EPHA3: variants seen among roughly 807,000 people sequenced by gnomAD.
EPHA3 encodes the protein EPH receptor A3.
Under a neutral mutation model 107.1 loss-of-function variants are expected in EPHA3, and 42 were observed. The ratio of observed to expected loss-of-function variants is 0.39; its 90% CI spans 0.31 to 0.51. The LOEUF (loss-of-function observed/expected upper bound fraction) is 0.51. Among genes scored for constraint, EPHA3 ranks in the 20% least tolerant of loss-of-function variants. The pLI is 0.78. For missense variants in EPHA3, 1,183 were observed against 1,211.2 expected (o/e 0.98, Z 0.35); for synonymous variants, 461 against 424.8 (o/e 1.09, Z -1.05).
At chr3:89,329,591 C>G (rs185825614) in intron 3 of EPHA3, among the ~76,000 whole-genome samples, 54 of 151,984 alleles carry the variant, frequency 3.6e-4, no homozygotes, top group Non-Finnish European at 5.9e-4. Flanking sequence ...TCATTGTATT[C>G]CTTTTATTGC....
At chr3:89,429,403 T>A (rs1709519016) in intron 12 of EPHA3, among the ~76,000 whole-genome samples, 1 of 152,160 alleles carries the variant, frequency 6.6e-6, no homozygotes, top group Non-Finnish European at 1.5e-5. Context: ...AGACTCTTTT[T>A]ATACTGCCAA....
chr3:89,153,225 T>G (rs1273366891), intron 2 of EPHA3, among the ~76,000 whole-genome samples: 1 of 151,996 alleles, frequency 6.6e-6, no homozygotes, highest in Non-Finnish European at 1.5e-5. Context: ...GGTAAATGAG[T>G]CAGAGAGAAG....
chr3:89,258,748 T>C (rs555474361), intron 3 of EPHA3, among the ~76,000 whole-genome samples: 7 of 152,206 alleles, frequency 4.6e-5, no homozygotes, highest in African/African-American at 1.7e-4. Context: ...TTCCAAAGGA[T>C]CCCCACCTCA....
At chr3:89,371,105 T>G (rs1708291548) in intron 5 of EPHA3, among the ~76,000 whole-genome samples, 1 of 151,750 alleles carries the variant, frequency 6.6e-6, no homozygotes, top group South Asian at 2.1e-4. Flanking sequence ...AAATCAGCTT[T>G]GTATAGTCAT....
intron 2 of EPHA3, among the ~76,000 whole-genome samples, chr3:89,144,257 A>G (rs1179047546): frequency 6.6e-6 from 1 of 151,624 alleles, no homozygotes; most frequent in Non-Finnish European, 1.5e-5. Flanking sequence ...CCACTCATCC[A>G]TGGCAACCAC....
chr3:89,407,172 A>G (rs1451136509), intron 7 of EPHA3, 97 bp from the exon 8 acceptor site: 61 of 808,006 alleles, frequency 7.5e-5, no homozygotes, highest in South Asian at 1.6e-5. Flanking sequence ...TAAAAGTAGA[A>G]CACATATTAA....
At chr3:89,108,898 T>G (rs1030261386) in intron 1 of EPHA3, among the ~76,000 whole-genome samples, 2 of 152,180 alleles carry the variant, frequency 1.3e-5, no homozygotes, top group Non-Finnish European at 1.5e-5. Flanking sequence ...TAGCAATTTA[T>G]TTTGCAAGTT....
rs529313223 is a variant in EPHA3, at chr3:89,386,501, C to T, written c.1307-9336C>T. On this transcript the variant is annotated intron_variant, in intron 5 of 16. Transcript: ENST00000336596. ...AGGTGCACTGAGGTTTGGGAACCTC[C>T]ACCTATATTTCAGAGGATATTTGGA... Among the ~76,000 whole-genome samples, 26 of 152,286 alleles carry T rather than the reference C, an allele frequency of 1.7e-4. 1 individual carries two copies. In the South Asian group the frequency reaches 5.4e-3, roughly 32 times the overall value.
intron 3 of EPHA3, among the ~76,000 whole-genome samples, chr3:89,308,737 G>T (rs1377565683): frequency 6.6e-6 from 1 of 151,970 alleles, no homozygotes; most frequent in Non-Finnish European, 1.5e-5. Context: ...GGGGTGTTGA[G>T]ATTTTGAAAT....
At chr3:89,449,441 C>A (rs2107553885) in intron 14 of EPHA3, 67 bp downstream of exon 14, 2 of 1,374,440 alleles carry the variant, frequency 1.5e-6, no homozygotes, top group Non-Finnish European at 1.9e-6. Flanking sequence ...GGAAGTGGAA[C>A]ATAATGTAAC....
chr3:89,427,809 T>G (rs900103549), intron 11 of EPHA3, among the ~76,000 whole-genome samples: 6 of 151,918 alleles, frequency 3.9e-5, no homozygotes, highest in African/African-American at 1.4e-4. Flanking sequence ...GATTAAGTGA[T>G]ATAACAAATG....
At chr3:89,116,496 C>T (rs1255921971) in intron 1 of EPHA3, among the ~76,000 whole-genome samples, 4 of 151,988 alleles carry the variant, frequency 2.6e-5, no homozygotes, top group African/African-American at 9.7e-5. Flanking sequence ...TTCTATTTAA[C>T]TCCTGCCATT....
intron 3 of EPHA3, among the ~76,000 whole-genome samples, chr3:89,324,445 C>T (rs572219746): frequency 7.2e-5 from 11 of 151,962 alleles, no homozygotes; most frequent in South Asian, 6.2e-4. Flanking sequence ...CTGTGGCTCA[C>T]GCTTGTGCTG....
At chr3:89,284,944 G>A (rs1468648997) in intron 3 of EPHA3, among the ~76,000 whole-genome samples, 1 of 152,010 alleles carries the variant, frequency 6.6e-6, no homozygotes, top group East Asian at 1.9e-4. Flanking sequence ...CTGGCCAACA[G>A]GGTGAAACCC....
At chr3:89,167,100 A>G (rs1433875958) in intron 2 of EPHA3, among the ~76,000 whole-genome samples, 3 of 152,016 alleles carry the variant, frequency 2.0e-5, no homozygotes, top group South Asian at 2.1e-4. Flanking sequence ...AATGACCTGG[A>G]AAAAAAATGA....
At chr3:89,394,378 G>T (rs751980230) in intron 5 of EPHA3, among the ~76,000 whole-genome samples, 1 of 152,074 alleles carries the variant, frequency 6.6e-6, no homozygotes, top group Non-Finnish European at 1.5e-5. Context: ...GGAAAACAAG[G>T]GCAAAACCCT....
At chr3:89,204,247 T>C (rs560933184) in intron 2 of EPHA3, among the ~76,000 whole-genome samples, 98 of 152,292 alleles carry the variant, frequency 6.4e-4, no homozygotes, top group South Asian at 4.1e-3. Context: ...GCAATTCTAA[T>C]ACCATTACCA....
chr3:89,447,187 T>G (rs1224743966), intron 13 of EPHA3, among the ~76,000 whole-genome samples: 2 of 152,176 alleles, frequency 1.3e-5, no homozygotes, highest in Non-Finnish European at 2.9e-5. Flanking sequence ...ACACTGTAGT[T>G]TATCTCCCTA....
intron 11 of EPHA3, among the ~76,000 whole-genome samples, chr3:89,424,037 T>G (rs1709405290): frequency 6.6e-6 from 1 of 151,404 alleles, no homozygotes; most frequent in Non-Finnish European, 1.5e-5. Context: ...GGAAAAAAAG[T>G]ATCACCTCTA....
Sources: allele counts gnomAD v4.1 joint callset (sites outside exome capture counted in the v4.1 genomes callset), GRCh38; gene constraint gnomAD v4.1.1; transcripts MANE v1.5; gene names NCBI Gene and HGNC (gene_info 2026-07-23, HGNC 2026-07-21).